The following KCNH6 variants were observed in gnomAD, a reference collection of about 807,000 sequenced individuals.
The protein encoded by KCNH6 is potassium voltage-gated channel subfamily H member 6.
In KCNH6, 81 loss-of-function variants were observed where a neutral mutation model predicts 83.4. The observed-to-expected ratio is 0.97, with a 90% confidence interval of 0.81 to 1.17. The LOEUF (loss-of-function observed/expected upper bound fraction) is 1.17. Ranked by LOEUF, KCNH6 falls within the 50% of genes most tolerant of loss-of-function variation. KCNH6 has a pLI of 0.00. For synonymous variants in KCNH6, 503 were observed against 545.6 expected (o/e 0.92, Z 1.09); for missense variants, 1,203 against 1,290.5 (o/e 0.93, Z 1.04).
rs985850073 is a variant in KCNH6 at position 63,532,721 on chromosome 17, A to C, written c.676-1165A>C. On this transcript the variant is annotated intron_variant, in intron 4 of 12. Coordinates refer to ENST00000314672, the MANE Select transcript of KCNH6 (RefSeq NM_001278919.2). Reference sequence around the variant, plus strand: ...TTTGGTTTGCAAGGTCAAACCTTACATTGCAAATTTTCCTAAATCAGAACT... The same window carrying C: ...TTTGGTTTGCAAGGTCAAACCTTACCTTGCAAATTTTCCTAAATCAGAACT... Among the ~76,000 whole-genome samples the C allele has an allele frequency of 1.2e-4, 19 of 152,164 alleles. 1 individual carries two copies. The highest frequency in any genetic ancestry group is 2.1e-4 in the Non-Finnish European group (14 of 68,024).
At chr17:63,531,170 C>G (rs2032082567) in intron 4 of KCNH6, among the ~76,000 whole-genome samples, 1 of 152,246 alleles carries the variant, frequency 6.6e-6, no homozygotes, top group African/African-American at 2.4e-5. Flanking sequence ...TGCTCCAGCT[C>G]ACCCTGCTGT....
At chr17:63,547,115 A>AG (rs1213357912), downstream of KCNH6, among the ~76,000 whole-genome samples, 1 of 152,120 alleles carries the variant, frequency 6.6e-6, no homozygotes, top group African/African-American at 2.4e-5. Context: ...CCCAAACATG[A>AG]GGGGGATTTC....
intron 6 of KCNH6, 136 bp from the exon 7 acceptor site, chr17:63,537,929 C>A: frequency 1.2e-6 from 1 of 823,824 alleles, no homozygotes; most frequent in Non-Finnish European, 1.9e-6. Flanking sequence ...TGGCGCTGTC[C>A]TGGTCACTCC....
rs2147723968 is a variant in KCNH6 at position 63,542,272 on chromosome 17, C to T, written c.1986C>T (p.Ser662=). Residue 662 remains serine, a synonymous_variant, in exon 9 of 13, where the codon AGC becomes AGT. Coordinates refer to ENST00000314672, the MANE Select transcript of KCNH6 (RefSeq NM_001278919.2). ...ATGACATCTTTGGGGAACCCGTCAGCCTCCATGCCCAGCCAGGCAAGTCCA... is the reference window on the plus strand; with the variant it reads ...ATGACATCTTTGGGGAACCCGTCAGTCTCCATGCCCAGCCAGGCAAGTCCA... ...GKNDIFGEPV[S]LHAQPGKSSA... 1.9e-6 allele frequency: 3 copies of T among 1,614,056 alleles called. No homozygotes were observed. Among genetic ancestry groups the T allele is most frequent in the Non-Finnish European group, 2.5e-6 (3 of 1,179,984 alleles).
rs766967807 is a variant in KCNH6, at chr17:63,535,661, C to T, written c.1102-8C>T. 6.3e-7 allele frequency: 1 copy of T among 1,588,922 alleles called. No individual in the cohort carries two copies. Among genetic ancestry groups the T allele is most frequent in the East Asian group, 2.2e-5 (1 of 44,524 alleles). On this transcript the variant is annotated splice_polypyrimidine_tract_variant and splice_region_variant and intron_variant, in intron 5 of 12. Transcript: ENST00000314672. This position sits in a 1 kb window ranked among gnomAD's most constrained non-coding sequence, Gnocchi z 4.9. ...CCCAGCCCTGTGACCATTTCCCTAC[C>T]CCTCCAGACCACAACCCTGATTGGG...
At position 63,524,240 on chromosome 17, in the gene KCNH6, A is replaced by G; in HGVS notation, c.178A>G (p.Met60Val). The G allele has an allele frequency of 6.2e-7, 1 of 1,614,126 alleles. No homozygotes were observed. The highest frequency in any genetic ancestry group is 8.5e-7 in the Non-Finnish European group (1 of 1,180,010). The change falls in exon 2 of 13, where the codon ATG becomes GTG. Residue 60 changes from methionine to valine, a missense_variant. Coordinates refer to ENST00000314672, the MANE Select transcript of KCNH6 (RefSeq NM_001278919.2). The stretch of plus-strand genomic sequence containing the variant: ...CTTCGGCTACTCCCGAGTGGAGGTG[A>G]TGCAGCAACCCTGCACCTGCGACTT... ...ELFGYSRVEVMQQPCTCDFLT... is the reference protein window; with the variant it reads ...ELFGYSRVEVVQQPCTCDFLT...
rs765475629 is a variant in KCNH6, at chr17:63,524,310, C to T, written c.248C>T (p.Ala83Val). The change falls in exon 2 of 13, where the codon GCG (alanine) becomes GTG (valine). Residue 83 changes from alanine to valine, a missense_variant. Ala to Val is a moderately conservative substitution (Grantham distance 64). Coordinates refer to ENST00000314672, the MANE Select transcript of KCNH6 (RefSeq NM_001278919.2). Reference sequence around the variant, plus strand: ...CCAAGCAGCGCCGTGTCCCGCCTAGCGCAGGCCCTGCTGGGGGCTGAGGAG... The same window carrying T: ...CCAAGCAGCGCCGTGTCCCGCCTAGTGCAGGCCCTGCTGGGGGCTGAGGAG... ...NTPSSAVSRL[A>V]QALLGAEECK... 6 of 1,613,870 alleles carry T rather than the reference C, an allele frequency of 3.7e-6. No homozygotes were observed. Among genetic ancestry groups the T allele is most frequent in the Admixed American group, 1.7e-5 (1 of 60,008 alleles).
intron 8 of KCNH6, among the ~76,000 whole-genome samples, chr17:63,539,093 G>A (rs576352247): frequency 1.3e-4 from 20 of 152,306 alleles, no homozygotes; most frequent in Admixed American, 1.1e-3. Flanking sequence ...TTTGGAGGAA[G>A]GACATGAGCA....
intron 2 of KCNH6, among the ~76,000 whole-genome samples, chr17:63,528,237 C>T (rs2031846355): frequency 6.6e-6 from 1 of 152,294 alleles, no homozygotes; most frequent in South Asian, 2.1e-4. Flanking sequence ...GTCACCATGC[C>T]CCAGGCTGAC....
chr17:63,527,450 C>T (rs2031791367), intron 2 of KCNH6, among the ~76,000 whole-genome samples: 2 of 152,138 alleles, frequency 1.3e-5, no homozygotes, highest in Non-Finnish European at 2.9e-5. Context: ...CGAAGGAGCA[C>T]ATTCAAGAGG....
rs554364860 is a variant in KCNH6, at chr17:63,538,917, G to T, written c.1954+255G>T. ...TCATGCTAGTCTGTGGCCAGGCAGG[G>T]ATTCCAGGGCTGCCAGTGTGACTCA... is the stretch of plus-strand genomic sequence containing the variant. On this transcript the variant is annotated intron_variant, in intron 8 of 12. Coordinates refer to ENST00000314672, the MANE Select transcript of KCNH6 (RefSeq NM_001278919.2). The surrounding 1 kb of genome is among the most constrained non-coding windows in gnomAD (Gnocchi z 4.0). Among the ~76,000 whole-genome samples, 36 of 152,294 alleles carry T rather than the reference G, an allele frequency of 2.4e-4. No homozygotes were observed. Among genetic ancestry groups the T allele is most frequent in the African/African-American group, 8.2e-4 (34 of 41,566 alleles).
At chr17:63,524,510 TC>T in intron 2 of KCNH6, 141 bp downstream of exon 2, 1 of 662,884 alleles carries the variant, frequency 1.5e-6, no homozygotes, top group Non-Finnish European at 2.6e-6. Flanking sequence ...CCTTGGTTCC[TC>T]CACAGGCATT....
rs2033116483 is a variant in KCNH6, at chr17:63,545,767, T to G, written c.2742T>G (p.His914Gln). 1 of 1,614,050 alleles carries G rather than the reference T, an allele frequency of 6.2e-7. No individual in the cohort carries two copies. The highest frequency in any genetic ancestry group is 2.2e-5 in the East Asian group (1 of 44,882). Reference sequence around the variant, plus strand: ...GGCCACCCCTAGCCTCACCTCTACATCCCCTGGAAGTACAAGGACTCATCT... The same window carrying G: ...GGCCACCCCTAGCCTCACCTCTACAGCCCCTGGAAGTACAAGGACTCATCT... ...GLWPPLASPL[H>Q]PLEVQGLICG... is the part of the protein sequence containing the mutation. The change falls in exon 13 of 13, where the codon CAT becomes CAG. Residue 914 changes from histidine (H) to glutamine (Q), a missense_variant. His to Gln is a conservative substitution (Grantham distance 24). Transcript: ENST00000314672.
In KCNH6 at chr17:63,533,794, C is replaced by G. The variant is rs1203916806; in HGVS notation, c.676-92C>G. The G allele has an allele frequency of 8.0e-7, 1 of 1,250,992 alleles. No individual in the cohort carries two copies. The highest frequency in any genetic ancestry group is 2.3e-5 in the East Asian group (1 of 42,644). 77.5% of individuals were successfully genotyped at this position (1,250,992 alleles called of 1,614,324 possible). ...CCAGAGCCGTGGTCACCCACCCTCT[C>G]CCACTACACCTTCCCCAGGCCTCAG... On this transcript the variant is annotated intron_variant, in intron 4 of 12. Coordinates refer to ENST00000314672, the MANE Select transcript of KCNH6 (RefSeq NM_001278919.2). This position sits in a 1 kb window ranked among gnomAD's most constrained non-coding sequence, Gnocchi z 4.1.
chr17:63,530,674 T>C, intron 4 of KCNH6, 132 bp downstream of exon 4: 2 of 785,610 alleles, frequency 2.5e-6, no homozygotes, highest in South Asian at 3.5e-5. Flanking sequence ...TAATATCTGG[T>C]TTGAGCCCCG....
chr17:63,544,437 G>T (rs545219259), intron 11 of KCNH6, 26 bp downstream of exon 11: 3 of 1,495,746 alleles, frequency 2.0e-6, no homozygotes, highest in Non-Finnish European at 2.7e-6. Context: ...TCAGGGCTGG[G>T]GGCTGGTCAT....
chr17:63,548,891 G>A (rs1395587318), downstream of KCNH6: 1 of 151,998 alleles, frequency 6.6e-6, no homozygotes, highest in Non-Finnish European at 1.5e-5. Flanking sequence ...AACCCTAAAG[G>A]CAGAGGTTGC....
intron 9 of KCNH6, 82 bp downstream of exon 9, chr17:63,542,516 CCCTT>C (rs2032925857): frequency 8.2e-7 from 1 of 1,216,986 alleles, no homozygotes; most frequent in Admixed American, 1.9e-5. Context: ...CTGACCAACA[CCCTT>C]CCTTTCAACC....
At chr17:63,544,134 T>A in intron 10 of KCNH6, 115 bp from the exon 11 acceptor site, 2 of 1,602,648 alleles carry the variant, frequency 1.2e-6, no homozygotes, top group Non-Finnish European at 1.7e-6. Context: ...GGAGAGCCAC[T>A]CCTCACACCC....
Sources: gnomAD v4.1 joint callset for allele counts (sites outside exome capture counted in the v4.1 genomes callset) on GRCh38, gnomAD v4.1.1 for gene constraint, Gnocchi (gnomAD v3.1) non-coding constraint, MANE v1.5 for transcripts, NCBI Gene and HGNC (gene_info 2026-07-23, HGNC 2026-07-21) for gene names.